The following KCNN2 variants were observed in gnomAD, a reference collection of about 807,000 sequenced individuals.
KCNN2 encodes small conductance calcium-activated potassium channel protein 2.
Under a neutral mutation model 55.5 loss-of-function variants are expected in KCNN2, and 24 were observed. That is an observed-to-expected ratio of 0.43 (90% CI 0.31 to 0.61). The LOEUF (loss-of-function observed/expected upper bound fraction) is 0.61. Ranked by LOEUF, KCNN2 falls within the 20% of genes least tolerant of loss-of-function variation. The pLI is 0.08. For missense variants in KCNN2, 754 were observed against 853.6 expected, an observed-to-expected ratio of 0.88 and a Z score of 1.45; for synonymous variants, 431 against 336.1, an observed-to-expected ratio of 1.28 and a Z score of -3.09.
chr5:114,065,757 G>A (rs1750431579), intron 1 of KCNN2, among the ~76,000 whole-genome samples: 1 of 150,310 alleles, frequency 6.7e-6, no homozygotes, highest in Non-Finnish European at 1.5e-5. Flanking sequence ...TCCTGGTATA[G>A]AGTGGAGTGT....
chr5:114,495,968 C>G lies in KCNN2; in HGVS notation c.2162C>G (p.Thr721Ser). 6.2e-7 allele frequency: 1 copy of G among 1,614,040 alleles called. No homozygotes were observed. Among genetic ancestry groups the G allele is most frequent in the Non-Finnish European group, 8.5e-7 (1 of 1,179,946 alleles). The change falls in exon 8 of 8, where the codon ACC becomes AGC. Residue 721 changes from threonine (T) to serine (S), a missense_variant. Coordinates refer to ENST00000673685, the MANE Select transcript of KCNN2 (RefSeq NM_021614.4). ...GAAGACTTCGAGAAGAGGATTGTTACCCTGGAAACAAAACTAGAGACTTTG... is the reference window on the plus strand; with the variant it reads ...GAAGACTTCGAGAAGAGGATTGTTAGCCTGGAAACAAAACTAGAGACTTTG... Reference protein sequence around the residue: ...RSEDFEKRIVTLETKLETLIG... With the variant: ...RSEDFEKRIVSLETKLETLIG...
chr5:114,382,662 G>T (rs527249423), intron 2 of KCNN2, among the ~76,000 whole-genome samples: 32 of 152,154 alleles, frequency 2.1e-4, no homozygotes, highest in Non-Finnish European at 4.3e-4. Flanking sequence ...TTCCTTTTAG[G>T]AGTCAGTAGT....
intron 2 of KCNN2, among the ~76,000 whole-genome samples, chr5:114,279,616 C>A (rs1395813697): frequency 6.6e-6 from 1 of 152,158 alleles, no homozygotes; most frequent in Non-Finnish European, 1.5e-5. Context: ...CATGTCCCTG[C>A]AAAGGACATG....
intron 3 of KCNN2, among the ~76,000 whole-genome samples, chr5:114,421,341 A>T (rs527699302): frequency 1.3e-5 from 2 of 152,158 alleles, no homozygotes; most frequent in Admixed American, 1.3e-4. Context: ...CCCAAGCTGG[A>T]GTGCAGTGGC....
rs147268636 is a variant in KCNN2, at chr5:114,287,194, A to G, written c.-185+65629A>G. 2.2e-3 allele frequency among the ~76,000 whole-genome samples: 338 copies of G among 152,350 alleles called. 2 individuals are homozygous for G. Among genetic ancestry groups the G allele is most frequent in the Non-Finnish European group, 4.1e-3 (277 of 68,042 alleles). ...AACCATTGTGGAAGACAGTGTGGTAATTCCTCAAGGATCTAGAAACAGAAA... is the reference window on the plus strand; with the variant it reads ...AACCATTGTGGAAGACAGTGTGGTAGTTCCTCAAGGATCTAGAAACAGAAA... On this transcript the variant is annotated intron_variant, in intron 2 of 10. Coordinates refer to the KCNN2 transcript ENST00000512097.
At chr5:114,284,806 C>T (rs531038609) in intron 2 of KCNN2, among the ~76,000 whole-genome samples, 2 of 152,086 alleles carry the variant, frequency 1.3e-5, no homozygotes, top group South Asian at 2.1e-4. Flanking sequence ...GCGTCAGCCA[C>T]CGCGCCTAGC....
At chr5:114,291,338 C>G (rs4705658) in intron 2 of KCNN2, among the ~76,000 whole-genome samples, 29,602 of 151,940 alleles carry the variant, frequency 0.19, 3,037 homozygotes, top group South Asian at 0.24. Flanking sequence ...ATCCCTCCCC[C>G]CTCTCCTCAC....
chr5:114,200,591 T>C (rs1401606973), intron 1 of KCNN2, among the ~76,000 whole-genome samples: 1 of 152,194 alleles, frequency 6.6e-6, no homozygotes, highest in East Asian at 1.9e-4. Flanking sequence ...TCCTTGCTTT[T>C]TCATGTTTCT....
At chr5:114,224,774 C>A (rs887268714) in intron 2 of KCNN2, among the ~76,000 whole-genome samples, 1 of 152,136 alleles carries the variant, frequency 6.6e-6, no homozygotes, top group Non-Finnish European at 1.5e-5. Context: ...GCTGTTACAG[C>A]TTGCCATCAA....
At position 114,264,494 on chromosome 5, in the gene KCNN2, G is replaced by A. The variant is rs1580672875; in HGVS notation, c.-185+42929G>A. 2.6e-5 allele frequency among the ~76,000 whole-genome samples: 4 copies of A among 152,224 alleles called. 1 individual carries two copies. Among genetic ancestry groups the A allele is most frequent in the Admixed American group, 2.6e-4 (4 of 15,290 alleles). The stretch of plus-strand genomic sequence containing the variant: ...ACTACAAAGTATTCAATAACAGCAA[G>A]ACAGAAAACAGGGAGGTTGCTTCTT... On this transcript the variant is annotated intron_variant, in intron 2 of 10. Coordinates refer to the KCNN2 transcript ENST00000512097.
chr5:114,068,614 T>C (rs1223263970), intron 1 of KCNN2, among the ~76,000 whole-genome samples: 1 of 152,180 alleles, frequency 6.6e-6, no homozygotes. Flanking sequence ...CTGCACCTGC[T>C]CCTATCTCTG....
intron 7 of KCNN2, among the ~76,000 whole-genome samples, chr5:114,495,542 G>A (rs1215192759): frequency 6.6e-6 from 1 of 152,092 alleles, no homozygotes; most frequent in Non-Finnish European, 1.5e-5. Flanking sequence ...CAAACATGTT[G>A]CAAAATGAAT....
At chr5:114,181,258 C>G (rs1252901115) in intron 1 of KCNN2, among the ~76,000 whole-genome samples, 1 of 152,096 alleles carries the variant, frequency 6.6e-6, no homozygotes, top group Non-Finnish European at 1.5e-5. Flanking sequence ...TACTTTCTTG[C>G]CAGTGTTTGT....
chr5:114,282,647 C>T (rs1042081783), intron 2 of KCNN2, among the ~76,000 whole-genome samples: 1 of 152,008 alleles, frequency 6.6e-6, no homozygotes, highest in Non-Finnish European at 1.5e-5. Flanking sequence ...TTTTATACTG[C>T]TTTTGTTGGT....
intron 3 of KCNN2, among the ~76,000 whole-genome samples, chr5:114,414,748 T>G (rs13179135): frequency 0.25 from 37,556 of 152,146 alleles, 4,855 homozygotes; most frequent in Non-Finnish European, 0.29. Context: ...AAAAACTTTG[T>G]GTAGAATTTT....
intron 2 of KCNN2, among the ~76,000 whole-genome samples, chr5:114,334,497 AC>A (rs1438770632): frequency 6.6e-6 from 1 of 152,084 alleles, no homozygotes. Flanking sequence ...ATATATACGC[AC>A]ATACATACAC....
At chr5:114,432,618 G>A (rs370404235) in intron 3 of KCNN2, among the ~76,000 whole-genome samples, 9 of 152,158 alleles carry the variant, frequency 5.9e-5, no homozygotes, top group East Asian at 5.8e-4. Context: ...CTGCACTGTG[G>A]GAGCCCCTTT....
intron 4 of KCNN2, 100 bp downstream of exon 4, chr5:114,463,290 C>CCAT: frequency 1.1e-6 from 1 of 875,608 alleles, no homozygotes; most frequent in Non-Finnish European, 1.7e-6. Flanking sequence ...ACTTCTTTTC[C>CCAT]CATCAGCAGG....
intron 1 of KCNN2, among the ~76,000 whole-genome samples, chr5:114,063,937 C>T (rs571834984): frequency 2.0e-5 from 3 of 152,332 alleles, no homozygotes; most frequent in African/African-American, 7.2e-5. Context: ...CAGGTAACCA[C>T]ATGTAACAGA....
Sources: gnomAD v4.1 joint callset for allele counts (sites outside exome capture counted in the v4.1 genomes callset) on GRCh38, gnomAD v4.1.1 for gene constraint, MANE v1.5 for transcripts, NCBI Gene and HGNC (gene_info 2026-07-23, HGNC 2026-07-21) for gene names.